ZCWPW2: variants seen among roughly 807,000 people sequenced by gnomAD.
The protein encoded by ZCWPW2 is zinc finger CW-type and PWWP domain containing 2.
A neutral mutation model predicts 46.6 loss-of-function variants in ZCWPW2; 45 were observed. The ratio of observed to expected loss-of-function variants is 0.96; its 90% CI spans 0.76 to 1.24. The LOEUF is 1.24. Among genes scored for constraint, ZCWPW2 ranks in the 50% most tolerant of loss-of-function variants. The pLI is 0.00. For missense variants in ZCWPW2, 429 were observed against 403.9 expected (o/e 1.06, Z -0.53); for synonymous variants, 152 against 137.1 (o/e 1.11, Z -0.76).
chr3:28,466,276 C>G (rs1337704654), intron 4 of ZCWPW2, among the ~76,000 whole-genome samples: 1 of 152,116 alleles, frequency 6.6e-6, no homozygotes, highest in Non-Finnish European at 1.5e-5. Context: ...GTACACCAAA[C>G]CCACATAACA....
At chr3:28,436,982 C>T (rs534804854) in intron 4 of ZCWPW2, among the ~76,000 whole-genome samples, 50 of 152,196 alleles carry the variant, frequency 3.3e-4, no homozygotes, top group Non-Finnish European at 6.2e-4. Context: ...ATTGTCTAGA[C>T]TTCCTAGGGA....
chr3:28,368,284 C>A (rs151093143), intron 1 of ZCWPW2, among the ~76,000 whole-genome samples: 1 of 151,986 alleles, frequency 6.6e-6, no homozygotes, highest in Non-Finnish European at 1.5e-5. Context: ...TGGCTGGTAC[C>A]GATTGTTCCT....
At chr3:28,485,440 C>T (rs1258884646) in intron 5 of ZCWPW2, among the ~76,000 whole-genome samples, 1 of 152,102 alleles carries the variant, frequency 6.6e-6, no homozygotes, top group Non-Finnish European at 1.5e-5. Flanking sequence ...CTTTTGAGTG[C>T]AACTGTGTCT....
chr3:28,432,777 G>A (rs7638742), intron 3 of ZCWPW2, among the ~76,000 whole-genome samples: 3,110 of 152,096 alleles, frequency 0.02, 106 homozygotes, highest in African/African-American at 0.062. Context: ...TAATATATAT[G>A]TAAGATAAAT....
At chr3:28,437,489 A>G (rs1697548569) in intron 4 of ZCWPW2, among the ~76,000 whole-genome samples, 1 of 152,104 alleles carries the variant, frequency 6.6e-6, no homozygotes, top group East Asian at 1.9e-4. Flanking sequence ...AATTTTAACT[A>G]TTTTATTTTG....
At chr3:28,476,107 A>T (rs1421243504) in intron 4 of ZCWPW2, among the ~76,000 whole-genome samples, 1 of 150,808 alleles carries the variant, frequency 6.6e-6, no homozygotes, top group African/African-American at 2.4e-5. Flanking sequence ...ATGTTGTAGA[A>T]ATATATAATA....
At chr3:28,465,684 G>T (rs1698793574) in intron 4 of ZCWPW2, among the ~76,000 whole-genome samples, 1 of 151,766 alleles carries the variant, frequency 6.6e-6, no homozygotes. Flanking sequence ...GCCCACACAA[G>T]AAAGGAAGAA....
intron 1 of ZCWPW2, among the ~76,000 whole-genome samples, chr3:28,350,448 T>C (rs1382199568): frequency 6.6e-6 from 1 of 152,216 alleles, no homozygotes; most frequent in Non-Finnish European, 1.5e-5. Context: ...AGAGAGTCAA[T>C]TTTTGTTTCA....
chr3:28,371,948 CTT>C (rs1273715728), intron 1 of ZCWPW2, among the ~76,000 whole-genome samples: 1 of 149,692 alleles, frequency 6.7e-6, no homozygotes, highest in Non-Finnish European at 1.5e-5. Context: ...TTTCATCTTC[CTT>C]CTTCTTCTTC....
chr3:28,368,079 TG>T (rs1705187427), intron 1 of ZCWPW2, among the ~76,000 whole-genome samples: 1 of 152,328 alleles, frequency 6.6e-6, no homozygotes. Context: ...AGCATACTGA[TG>T]GGTCTTGCGT....
chr3:28,413,023 C>T (rs1223307213), intron 2 of ZCWPW2, 33 bp from the exon 3 acceptor site: 2 of 1,528,220 alleles, frequency 1.3e-6, no homozygotes, highest in Middle Eastern at 2.1e-4. Context: ...CTTGAATCCT[C>T]ATTCTGTTAT....
intron 1 of ZCWPW2, among the ~76,000 whole-genome samples, chr3:28,373,667 G>A (rs912562335): frequency 2.6e-5 from 4 of 151,806 alleles, no homozygotes; most frequent in African/African-American, 7.3e-5. Context: ...GTAGAGATGG[G>A]GTTTCACCAT....
intron 5 of ZCWPW2, among the ~76,000 whole-genome samples, chr3:28,480,409 G>T (rs181172756): frequency 2.0e-3 from 296 of 148,676 alleles, no homozygotes; most frequent in African/African-American, 6.7e-3. Context: ...CTTTTTAATG[G>T]TTTTTTTTTT....
chr3:28,500,007 A>G (rs1042186716), intron 6 of ZCWPW2, among the ~76,000 whole-genome samples: 20 of 152,174 alleles, frequency 1.3e-4, no homozygotes, highest in East Asian at 7.7e-4. Flanking sequence ...AATATAAAAT[A>G]TGTTTCACAA....
chr3:28,403,076 G>A (rs1696015052), intron 2 of ZCWPW2, among the ~76,000 whole-genome samples: 2 of 152,232 alleles, frequency 1.3e-5, no homozygotes, highest in Admixed American at 6.5e-5. Flanking sequence ...AGAAATAAAG[G>A]GCATCCAAAT....
chr3:28,473,866 C>G (rs958327988), intron 4 of ZCWPW2, among the ~76,000 whole-genome samples: 1 of 151,980 alleles, frequency 6.6e-6, no homozygotes, highest in East Asian at 1.9e-4. Context: ...GGTTGGTTAA[C>G]GGGCTGGGAA....
At chr3:28,374,430 AGTT>A (rs1705438174) in intron 1 of ZCWPW2, among the ~76,000 whole-genome samples, 1 of 152,032 alleles carries the variant, frequency 6.6e-6, no homozygotes, top group African/African-American at 2.4e-5. Context: ...CTGCCAATTT[AGTT>A]GTTTTTGCTC....
intron 2 of ZCWPW2, among the ~76,000 whole-genome samples, chr3:28,393,969 TA>T (rs891744016): frequency 6.6e-6 from 1 of 151,664 alleles, no homozygotes; most frequent in Non-Finnish European, 1.5e-5. Flanking sequence ...GATATCCAAA[TA>T]AAAAAAGGAA....
At chr3:28,385,357 G>A (rs114122349) in intron 1 of ZCWPW2, among the ~76,000 whole-genome samples, 2,041 of 152,288 alleles carry the variant, frequency 0.013, 42 homozygotes, top group South Asian at 0.084. Context: ...CTGTTGGCCT[G>A]TATAGCTTTT....
Sources: allele counts gnomAD v4.1 joint callset (sites outside exome capture counted in the v4.1 genomes callset), GRCh38; gene constraint gnomAD v4.1.1; transcripts MANE v1.5; gene names NCBI Gene and HGNC (gene_info 2026-07-23, HGNC 2026-07-21).